UBOX5: variants seen among roughly 807,000 people sequenced by gnomAD.
UBOX5 encodes U-box domain containing 5.
In UBOX5, 28 loss-of-function variants were observed where a neutral mutation model predicts 39.0. The observed-to-expected ratio is 0.72, with a 90% CI of 0.53 to 0.98. The LOEUF (loss-of-function observed/expected upper bound fraction) is 0.98. Among genes scored for constraint, UBOX5 ranks in the 50% least tolerant of loss-of-function variants. The pLI is 0.00. For synonymous variants in UBOX5, 283 were observed against 275.5 expected (o/e 1.03, Z -0.27); for missense variants, 585 against 674.4 (o/e 0.87, Z 1.47).
chr20:3,146,626 AC>A (rs1333024426), intron 1 of UBOX5: 2 of 826,482 alleles, frequency 2.4e-6, no homozygotes, highest in Non-Finnish European at 3.9e-6. Context: ...ACAGTAACAT[AC>A]ACTAGCTCTA....
Position 3,122,526 on chromosome 20 carries a change from C to T in UBOX5, c.113G>A (p.Ser38Asn), listed in dbSNP as rs1159030848. ...GAAATACTCTGTCCTGAAACCATGA[C>T]TTCTCTTTGTGAGATCTTCAGAGAT... is the stretch of plus-strand genomic sequence containing the variant. ...NLISEDLTKR[S>N]HGFRTEYFIK... The change falls in exon 3 of 5, where the codon AGT becomes AAT. Residue 38 changes from serine (S) to asparagine (N), a missense_variant. Ser to Asn is a conservative substitution (Grantham distance 46, BLOSUM62 1). Transcript: ENST00000217173. 1.9e-6 allele frequency: 3 copies of T among 1,611,896 alleles called. No homozygotes were observed. Among genetic ancestry groups the T allele is most frequent in the Admixed American group, 1.7e-5 (1 of 59,692 alleles).
chr20:3,140,317 G>A (rs367554187), intron 1 of UBOX5, among the ~76,000 whole-genome samples: 1 of 151,892 alleles, frequency 6.6e-6, no homozygotes, highest in Non-Finnish European at 1.5e-5. Context: ...GTGAGCCACC[G>A]CACCCAGCCC....
In UBOX5 at chr20:3,109,323, C is replaced by A. The variant is rs6051581; in HGVS notation, c.*783G>T. The A allele has an allele frequency of 0.12, 17,914 of 152,268 alleles. 1,335 individuals are homozygous for A. Among genetic ancestry groups the A allele is most frequent in the African/African-American group, 0.21 (8,794 of 41,514 alleles). 9.4% of individuals were successfully genotyped at this position (152,268 alleles called of 1,614,324 possible). ...TGCATGAGGAAACGCTGCGCTCCCC[C>A]TCAGGGAGCAGTTTCTGAAGCCAGC... On this transcript the variant is annotated 3_prime_UTR_variant, in exon 5 of 5. Transcript: ENST00000217173.
At position 3,110,206 on chromosome 20, in the gene UBOX5, C is replaced by G; in HGVS notation, c.1526G>C (p.Cys509Ser). The G allele has an allele frequency of 6.2e-7, 1 of 1,613,992 alleles. No individual in the cohort carries two copies. Among genetic ancestry groups the G allele is most frequent in the South Asian group, 1.1e-5 (1 of 91,064 alleles). ...TTGCTTCTCACCCAGGCAGGGTCGG[C>G]ACAGGAGGTGGCCGCAGGGCAGCTG... ...VYQLPCGHLL[C>S]RPCLGEKQRS... The change falls in exon 5 of 5, where the codon TGC becomes TCC. Residue 509 changes from cysteine (C) to serine (S), a missense_variant. Cys to Ser is a moderately radical substitution (Grantham distance 112). Transcript: ENST00000217173.
At chr20:3,150,301 G>A (rs928140002) in intron 1 of UBOX5, among the ~76,000 whole-genome samples, 1 of 152,146 alleles carries the variant, frequency 6.6e-6, no homozygotes, top group Non-Finnish European at 1.5e-5. Flanking sequence ...TCACGGGTGG[G>A]AAGCAAAGAG....
intron 1 of UBOX5, among the ~76,000 whole-genome samples, chr20:3,151,118 G>A (rs1005605535): frequency 3.9e-5 from 6 of 151,968 alleles, no homozygotes; most frequent in Admixed American, 3.3e-4. Context: ...GCCAAGGCTG[G>A]TCTCAAACTC....
At position 3,157,289 on chromosome 20, in the gene UBOX5, A is replaced by G. The variant is rs116430471; in HGVS notation, c.-42+2477T>C. On this transcript the variant is annotated intron_variant, in intron 1 of 4. Transcript: ENST00000217173. The stretch of plus-strand genomic sequence containing the variant: ...ACACGGGAGCAGGGCCTCAGAGAGG[A>G]GTCTACCAGTACTGCGAAGGTGAAG... 7.4e-3 allele frequency among the ~76,000 whole-genome samples: 1,134 copies of G among 152,266 alleles called. 16 individuals carry two copies. The highest frequency in any genetic ancestry group is 0.026 in the African/African-American group (1,077 of 41,540).
chr20:3,147,812 G>A (rs1450691301), intron 1 of UBOX5: 4 of 1,614,156 alleles, frequency 2.5e-6, no homozygotes, highest in Non-Finnish European at 3.4e-6. Flanking sequence ...TGCCACTCTA[G>A]GAGGCAAAGA....
chr20:3,146,903 C>T lies in UBOX5; in HGVS notation c.-42+12863G>A, dbSNP rs752646460. 8.1e-6 allele frequency: 13 copies of T among 1,614,128 alleles called. No individual in the cohort carries two copies. Among genetic ancestry groups the T allele is most frequent in the Middle Eastern group, 1.7e-4 (1 of 6,060 alleles). On this transcript the variant is annotated intron_variant, in intron 1 of 4. Transcript: ENST00000217173. ...ACGGTAGCCAAGCCGAGCCAGCTGCCGCCTCTTCATATTGTGCAGTCCAAG... is the reference window on the plus strand; with the variant it reads ...ACGGTAGCCAAGCCGAGCCAGCTGCTGCCTCTTCATATTGTGCAGTCCAAG...
intron 1 of UBOX5, among the ~76,000 whole-genome samples, chr20:3,124,768 C>T (rs1439181286): frequency 6.6e-6 from 1 of 150,782 alleles, no homozygotes; most frequent in Non-Finnish European, 1.5e-5. Flanking sequence ...CTCTGCCCAG[C>T]CGCCACCCCG....
At chr20:3,111,440 T>C (rs1440794941) in intron 4 of UBOX5, among the ~76,000 whole-genome samples, 1 of 152,196 alleles carries the variant, frequency 6.6e-6, no homozygotes, top group Non-Finnish European at 1.5e-5. Context: ...CCTATGTAAC[T>C]TGACCACCCC....
chr20:3,146,281 C>T (rs2066561427), intron 1 of UBOX5, among the ~76,000 whole-genome samples: 1 of 148,612 alleles, frequency 6.7e-6, no homozygotes, highest in South Asian at 2.1e-4. Flanking sequence ...GCGGAGGTTG[C>T]AGTGAGCTGA....
At chr20:3,131,512 T>C (rs1021599267) in intron 1 of UBOX5, among the ~76,000 whole-genome samples, 4 of 152,224 alleles carry the variant, frequency 2.6e-5, no homozygotes, top group Admixed American at 2.6e-4. Context: ...TACTACTGAA[T>C]TTATTTTGCT....
chr20:3,142,580 G>A (rs1173904401), intron 1 of UBOX5, among the ~76,000 whole-genome samples: 4 of 149,372 alleles, frequency 2.7e-5, no homozygotes, highest in Non-Finnish European at 4.5e-5. Context: ...CTCCAGCCTG[G>A]GTGACAGAGT....
chr20:3,138,426 GTTC>G (rs966121319), intron 1 of UBOX5, among the ~76,000 whole-genome samples: 5 of 152,154 alleles, frequency 3.3e-5, no homozygotes, highest in Admixed American at 3.3e-4. Flanking sequence ...GGGATAAGTT[GTTC>G]TTCTTTTCCT....
intron 1 of UBOX5, among the ~76,000 whole-genome samples, chr20:3,152,477 G>A (rs913541113): frequency 1.2e-4 from 19 of 152,136 alleles, no homozygotes; most frequent in Admixed American, 2.0e-4. Flanking sequence ...ACTGCAGCCC[G>A]GGCGATAGTG....
intron 1 of UBOX5, among the ~76,000 whole-genome samples, chr20:3,131,166 T>C (rs1297371088): frequency 9.9e-5 from 15 of 151,828 alleles, no homozygotes; most frequent in Admixed American, 9.8e-4. Flanking sequence ...GAAGCAGAGG[T>C]TGCAGTGAGC....
In UBOX5 at chr20:3,121,843, G is replaced by A; in HGVS notation, c.796C>T (p.Pro266Ser). 1 of 1,614,112 alleles carries A rather than the reference G, an allele frequency of 6.2e-7. No individual in the cohort carries two copies. The highest frequency in any genetic ancestry group is 8.5e-7 in the Non-Finnish European group (1 of 1,180,046). ...CAAGGCATGATCTCCAGGGTGATGG[G>A]ATCCAGGAACTCCTCAGGCACATCC... ...IQDVPEEFLD[P>S]ITLEIMPCPM... The change falls in exon 3 of 5, where the codon CCC (proline) becomes TCC (serine). Residue 266 changes from proline to serine, a missense_variant. Physicochemically the swap from Pro to Ser is moderately conservative, Grantham distance 74. Coordinates refer to ENST00000217173, the MANE Select transcript of UBOX5 (RefSeq NM_014948.4).
In UBOX5 at chr20:3,114,310, T is replaced by C. The variant is rs551058926; in HGVS notation, c.1417+995A>G. On this transcript the variant is annotated intron_variant, in intron 4 of 4. Coordinates refer to ENST00000217173, the MANE Select transcript of UBOX5 (RefSeq NM_014948.4). ...GGGCCAGAGCTGGTAGAGAAGGCAA[T>C]TGGCAATGGAAACTGAAGAGGGACC... is the stretch of plus-strand genomic sequence containing the variant. Among the ~76,000 whole-genome samples, 40 of 151,888 alleles carry C rather than the reference T, an allele frequency of 2.6e-4. No homozygotes were observed. In the South Asian group the frequency reaches 5.4e-3, roughly 21 times the overall value.
Sources: gnomAD v4.1 joint callset for allele counts (sites outside exome capture counted in the v4.1 genomes callset) on GRCh38, gnomAD v4.1.1 for gene constraint, MANE v1.5 for transcripts, NCBI Gene and HGNC (gene_info 2026-07-23, HGNC 2026-07-21) for gene names.